SH3TC2: variants seen among roughly 807,000 people sequenced by gnomAD.
The protein encoded by SH3TC2 is SH3 domain and tetratricopeptide repeat-containing protein 2.
Under a neutral mutation model 124.5 loss-of-function variants are expected in SH3TC2, and 87 were observed. That is an observed-to-expected ratio of 0.70 (90% CI 0.59 to 0.84). SH3TC2 has a LOEUF of 0.84. Ranked by LOEUF, SH3TC2 falls within the 40% of genes least tolerant of loss-of-function variation. The pLI is 0.00. For synonymous variants in SH3TC2, 634 were observed against 628.5 expected (o/e 1.01, Z -0.13); for missense variants, 1,536 against 1,566.4 (o/e 0.98, Z 0.33).
intron 8 of SH3TC2, among the ~76,000 whole-genome samples, chr5:149,033,804 C>A (rs1459082593): frequency 2.0e-5 from 3 of 152,112 alleles, no homozygotes; most frequent in African/African-American, 4.8e-5. Flanking sequence ...GGTGTTGGTA[C>A]CACGATCCAA....
rs542572328 is a variant in SH3TC2, at chr5:148,995,664, C to T, written c.*9047G>A. Among the ~76,000 whole-genome samples, 10 of 152,278 alleles carry T rather than the reference C, an allele frequency of 6.6e-5. No individual in the cohort carries two copies. In the South Asian group the frequency reaches 1.7e-3, roughly 25 times the overall value. On this transcript the variant is annotated 3_prime_UTR_variant, in exon 17 of 17. Transcript: ENST00000515425. ...CCTGAAGGTCAAAACCCAAGTCCAA[C>T]ATTTCATTCCTTTATTTTTTTATTC...
In SH3TC2 at chr5:149,026,911, G is replaced by C. The variant is rs767218866; in HGVS notation, c.2821C>G (p.Leu941Val). Residue 941 changes from leucine (L) to valine (V), a missense_variant, in exon 11 of 17, where the codon CTT (leucine) becomes GTT (valine). By Grantham distance (32) the Leu-to-Val change is conservative. Transcript: ENST00000515425. ...AACAGCAATGCCATTTCATAACAAA[G>C]AAGGCCATGGGTCAGCTGGTGTCCA... Reference protein sequence around the residue: ...VSGHQLTHGLLCYEMALLFGL... With the variant: ...VSGHQLTHGLVCYEMALLFGL... 3 of 1,614,192 alleles carry C rather than the reference G, an allele frequency of 1.9e-6. No homozygotes were observed. Among genetic ancestry groups the C allele is most frequent in the Non-Finnish European group, 1.7e-6 (2 of 1,180,046 alleles).
rs1242938925 is a variant in SH3TC2, at chr5:148,993,618, A to T, written c.*11093T>A. On this transcript the variant is annotated 3_prime_UTR_variant, in exon 17 of 17. Coordinates refer to ENST00000515425, the MANE Select transcript of SH3TC2 (RefSeq NM_024577.4). ...GAGGTCAAAACGTCTGCCAGACTAAACATAGGTTCAAAATGACAGTTCCAA... is the reference window on the plus strand; with the variant it reads ...GAGGTCAAAACGTCTGCCAGACTAATCATAGGTTCAAAATGACAGTTCCAA... Among the ~76,000 whole-genome samples the T allele has an allele frequency of 6.6e-6, 1 of 152,202 alleles. No individual in the cohort carries two copies. Among genetic ancestry groups the T allele is most frequent in the Non-Finnish European group, 1.5e-5 (1 of 68,040 alleles).
At chr5:149,030,037 C>A (rs868279928) in intron 9 of SH3TC2, among the ~76,000 whole-genome samples, 2 of 152,248 alleles carry the variant, frequency 1.3e-5, no homozygotes, top group Middle Eastern at 3.4e-3. Context: ...GATCTGTAAC[C>A]CCCAGAGGGT....
chr5:149,031,969 A>G (rs576403409), intron 8 of SH3TC2, among the ~76,000 whole-genome samples: 6 of 152,316 alleles, frequency 3.9e-5, no homozygotes, highest in African/African-American at 1.4e-4. Context: ...ATCTCCCAAG[A>G]AAAACAAAGC....
At position 148,986,545 on chromosome 5, in the gene SH3TC2, C is replaced by T. The variant is rs1422888607; in HGVS notation, c.*18166G>A. On this transcript the variant is annotated 3_prime_UTR_variant, in exon 17 of 17. Transcript: ENST00000515425. ...TAAGATCTGCCAGGGTAGCAACCTC[C>T]ATCAACTACATTGCTTAGAATGCAG... Among the ~76,000 whole-genome samples the T allele has an allele frequency of 6.6e-6, 1 of 152,204 alleles. No homozygotes were observed. Among genetic ancestry groups the T allele is most frequent in the Non-Finnish European group, 1.5e-5 (1 of 68,038 alleles).
chr5:149,044,178 A>T (rs1754418215), intron 4 of SH3TC2: 1 of 258,260 alleles, frequency 3.9e-6, no homozygotes, highest in African/African-American at 2.2e-5. Context: ...ATCTTACTCA[A>T]GATTAGTTCC....
chr5:149,050,788 T>C (rs1182688070), intron 2 of SH3TC2, among the ~76,000 whole-genome samples: 1 of 152,242 alleles, frequency 6.6e-6, no homozygotes, highest in African/African-American at 2.4e-5. Context: ...CAATATCTAT[T>C]TACGTAGTCT....
In SH3TC2 at chr5:149,001,633, G is replaced by T. The variant is rs188399490; in HGVS notation, c.*3078C>A. 1.3e-5 allele frequency: 2 copies of T among 152,046 alleles called. No individual in the cohort carries two copies. Among genetic ancestry groups the T allele is most frequent in the African/African-American group, 4.8e-5 (2 of 41,406 alleles). 9.4% of individuals were successfully genotyped at this position (152,046 alleles called of 1,614,324 possible). A position where few individuals can be genotyped will look rare whatever the true frequency, so the allele number is the denominator to read the frequency against. On this transcript the variant is annotated 3_prime_UTR_variant, in exon 17 of 17. Coordinates refer to ENST00000515425, the MANE Select transcript of SH3TC2 (RefSeq NM_024577.4). ...ACTTTTTAAAAGAGTTTTAGCAAGC[G>T]GTTTACATATAGAATGTAGTAATTG...
Position 149,032,420 on chromosome 5 carries a change from C to T in SH3TC2, c.1002-733G>A, listed in dbSNP as rs1011568298. ...ATTAAATAATAAAAAACTAGAAGTG[C>T]CTTAGAAGCTACTGGGTTGCATCTA... On this transcript the variant is annotated intron_variant, in intron 8 of 16. Transcript: ENST00000515425. 3.9e-5 allele frequency among the ~76,000 whole-genome samples: 6 copies of T among 152,222 alleles called. No individual in the cohort carries two copies. The South Asian group carries it at 6.2e-4, about 16-fold the overall frequency.
rs1753697412 is a variant in SH3TC2 at position 149,006,797 on chromosome 5, A to T, written c.3675+84T>A. 2.8e-6 allele frequency: 4 copies of T among 1,412,122 alleles called. No homozygotes were observed. The East Asian group carries it at 6.8e-5, about 24-fold the overall frequency. The allele number at this position is 1,412,122 out of a possible 1,614,324, so 87.5% of individuals were successfully genotyped here. A position where few individuals can be genotyped will look rare whatever the true frequency, so the allele number is the denominator to read the frequency against. ...GCACTCTGGTTTTCTCAGCTCCACC[A>T]CAAAGGCTCCTCATTGTCTTTGAGT... On this transcript the variant is annotated intron_variant, in intron 16 of 16. Transcript: ENST00000515425.
intron 2 of SH3TC2, among the ~76,000 whole-genome samples, chr5:149,051,285 C>T (rs1280292201): frequency 6.6e-6 from 1 of 152,190 alleles, no homozygotes; most frequent in Non-Finnish European, 1.5e-5. Flanking sequence ...CTGAAAGATT[C>T]GTACAGATGC....
In SH3TC2 at chr5:149,043,032, A is replaced by G. The variant is rs407696; in HGVS notation, c.386-195T>C. On this transcript the variant is annotated intron_variant, in intron 4 of 16. Coordinates refer to ENST00000515425, the MANE Select transcript of SH3TC2 (RefSeq NM_024577.4). ...AATGAGTTGAGTCTTCTCAACATCT[A>G]TTGGGAAATACAAGTCATTTCTAAA... 0.52 allele frequency among the ~76,000 whole-genome samples: 78,836 copies of G among 152,088 alleles called. 21,450 individuals are homozygous for G. The highest frequency in any genetic ancestry group is 0.68 in the African/African-American group (28,005 of 41,476).
At chr5:149,004,981 A>C in intron 16 of SH3TC2, 79 bp from the exon 17 acceptor site, 1 of 1,530,694 alleles carries the variant, frequency 6.5e-7, no homozygotes. Context: ...TGTGCTGGCC[A>C]CTCTAGTTTT....
intron 8 of SH3TC2, among the ~76,000 whole-genome samples, chr5:149,036,310 A>G (rs1459238033): frequency 6.6e-6 from 1 of 152,018 alleles, no homozygotes; most frequent in Non-Finnish European, 1.5e-5. Context: ...GCCAGTCCCA[A>G]AGGCCTTTCT....
intron 2 of SH3TC2, among the ~76,000 whole-genome samples, chr5:149,051,766 C>G (rs1397578221): frequency 6.6e-6 from 1 of 152,124 alleles, no homozygotes; most frequent in African/African-American, 2.4e-5. Context: ...TGTATTTATT[C>G]ATCAAAGATT....
intron 3 of SH3TC2, 180 bp downstream of exon 3, chr5:149,047,682 C>T: frequency 1.2e-6 from 1 of 835,608 alleles, no homozygotes; most frequent in Non-Finnish European, 1.9e-6. Flanking sequence ...AGAGTTCCTG[C>T]CCACTCCTCT....
rs116105968 is a variant in SH3TC2 at position 149,046,057 on chromosome 5, G to A, written c.280-1419C>T. 6.6e-3 allele frequency: 2,114 copies of A among 322,140 alleles called. 16 individuals are homozygous for A. Among genetic ancestry groups the A allele is most frequent in the Non-Finnish European group, 0.01 (1,635 of 158,672 alleles). The allele number at this position is 322,140 out of a possible 1,614,324, so 20.0% of individuals were successfully genotyped here. ...TCCGGAGTTGACTGTAACAAGTGAC[G>A]GTCAGAACATCCCTCCACCAGGCCA... On this transcript the variant is annotated intron_variant, in intron 3 of 16. Coordinates refer to ENST00000515425, the MANE Select transcript of SH3TC2 (RefSeq NM_024577.4).
chr5:149,053,024 T>G (rs1561773801), intron 1 of SH3TC2, among the ~76,000 whole-genome samples: 1 of 152,216 alleles, frequency 6.6e-6, no homozygotes, highest in Admixed American at 6.5e-5. Flanking sequence ...TTCTGTCCTT[T>G]TTTCCATAAA....
Sources: gnomAD v4.1 joint callset for allele counts (sites outside exome capture counted in the v4.1 genomes callset) on GRCh38, gnomAD v4.1.1 for gene constraint, MANE v1.5 for transcripts, NCBI Gene and HGNC (gene_info 2026-07-23, HGNC 2026-07-21) for gene names.